The following JAZF1 variants were observed in gnomAD, a reference collection of about 807,000 sequenced individuals.
The protein encoded by JAZF1 is JAZF zinc finger 1.
A neutral mutation model predicts 26.4 loss-of-function variants in JAZF1; 8 were observed. That is an observed-to-expected ratio of 0.30 (90% CI 0.18 to 0.55). The LOEUF is 0.55. JAZF1 is among the 20% of genes least tolerant of loss of function. The pLI is 0.94. For synonymous variants in JAZF1, 126 were observed against 122.3 expected, an observed-to-expected ratio of 1.03 and a Z score of -0.20; for missense variants, 199 against 322.0, an observed-to-expected ratio of 0.62 and a Z score of 2.92.
chr7:28,130,656 C>T (rs967473598), intron 1 of JAZF1, among the ~76,000 whole-genome samples: 14 of 152,186 alleles, frequency 9.2e-5, no homozygotes, highest in African/African-American at 2.9e-4. Flanking sequence ...CTGTGCTAAT[C>T]TACTCAGGGT....
At chr7:28,048,745 A>C (rs1783538457) in intron 1 of JAZF1, among the ~76,000 whole-genome samples, 1 of 152,216 alleles carries the variant, frequency 6.6e-6, no homozygotes, top group African/African-American at 2.4e-5. Context: ...CAAAAGGTAG[A>C]ATCATCCCAA....
At chr7:28,004,829 T>G (rs1442921466) in intron 1 of JAZF1, among the ~76,000 whole-genome samples, 8 of 152,096 alleles carry the variant, frequency 5.3e-5, no homozygotes, top group Non-Finnish European at 1.0e-4. Context: ...ATTTTTGTAT[T>G]TTTAGTAGAG....
chr7:27,905,913 A>G (rs903803235), intron 2 of JAZF1, among the ~76,000 whole-genome samples: 29 of 152,222 alleles, frequency 1.9e-4, no homozygotes, highest in Non-Finnish European at 3.5e-4. Flanking sequence ...AAGCCACAAT[A>G]TAAAATTTCA....
At chr7:28,126,241 G>A (rs549539677) in intron 1 of JAZF1, among the ~76,000 whole-genome samples, 16 of 152,274 alleles carry the variant, frequency 1.1e-4, no homozygotes, top group African/African-American at 3.9e-4. Flanking sequence ...AATATTTATT[G>A]CACAGTTACT....
At chr7:27,961,153 A>G (rs1785179759) in intron 2 of JAZF1, among the ~76,000 whole-genome samples, 1 of 152,256 alleles carries the variant, frequency 6.6e-6, no homozygotes, top group Non-Finnish European at 1.5e-5. Flanking sequence ...CTTATTTAGT[A>G]CTTATAACAG....
chr7:28,165,375 G>C (rs377618619), intron 1 of JAZF1, among the ~76,000 whole-genome samples: 1 of 152,084 alleles, frequency 6.6e-6, no homozygotes, highest in African/African-American at 2.4e-5. Flanking sequence ...GTGCCAGTTA[G>C]GGCTTCTCAG....
At chr7:28,017,959 G>T (rs565028837) in intron 1 of JAZF1, among the ~76,000 whole-genome samples, 99 of 152,278 alleles carry the variant, frequency 6.5e-4, no homozygotes, top group African/African-American at 2.3e-3. Context: ...AATTTTAGTA[G>T]AGACAGGGTT....
chr7:28,140,164 C>T (rs1369541781), intron 1 of JAZF1, among the ~76,000 whole-genome samples: 1 of 151,260 alleles, frequency 6.6e-6, no homozygotes, highest in East Asian at 1.9e-4. Flanking sequence ...ATCACTACAA[C>T]CTTCAGCTCC....
At position 28,076,815 on chromosome 7, in the gene JAZF1, T is replaced by A. The variant is rs191346855; in HGVS notation, c.116-84834A>T. Among the ~76,000 whole-genome samples the A allele has an allele frequency of 6.6e-3, 1,001 of 152,264 alleles. 36 individuals are homozygous for A. Among genetic ancestry groups the A allele is most frequent in the Admixed American group, 0.046 (701 of 15,280 alleles). On this transcript the variant is annotated intron_variant, in intron 1 of 4. Transcript: ENST00000283928. ...GTGCAAATATATATTTAGAATTTTT[T>A]AATAAATGTATAATAGGGAAATTTT...
chr7:27,887,079 G>A (rs1783881122), intron 3 of JAZF1, among the ~76,000 whole-genome samples: 1 of 152,094 alleles, frequency 6.6e-6, no homozygotes, highest in Non-Finnish European at 1.5e-5. Flanking sequence ...GAGAATACAT[G>A]GACACATACG....
chr7:28,133,078 C>T (rs2127942539), intron 1 of JAZF1, among the ~76,000 whole-genome samples: 1 of 152,350 alleles, frequency 6.6e-6, no homozygotes, highest in South Asian at 2.1e-4. Flanking sequence ...GATCACCCTC[C>T]AAACCTCTGA....
intron 1 of JAZF1, among the ~76,000 whole-genome samples, chr7:28,066,650 G>A (rs1562575902): frequency 6.7e-6 from 1 of 150,348 alleles, no homozygotes; most frequent in Non-Finnish European, 1.5e-5. Flanking sequence ...ACAACAAAAG[G>A]TGGGAACCAT....
chr7:27,868,257 A>T (rs1684390288), intron 3 of JAZF1, among the ~76,000 whole-genome samples: 1 of 152,220 alleles, frequency 6.6e-6, no homozygotes, highest in Non-Finnish European at 1.5e-5. Context: ...GCCTAGGATC[A>T]GTGACAGAAC....
intron 1 of JAZF1, among the ~76,000 whole-genome samples, chr7:28,059,861 T>C (rs1189347219): frequency 2.0e-5 from 3 of 152,206 alleles, no homozygotes; most frequent in Non-Finnish European, 2.9e-5. Flanking sequence ...CTTTTCTCTG[T>C]GACTGCTTAA....
intron 2 of JAZF1, among the ~76,000 whole-genome samples, chr7:27,953,471 T>G (rs1390966636): frequency 6.6e-6 from 1 of 152,238 alleles, no homozygotes; most frequent in Non-Finnish European, 1.5e-5. Context: ...GACTTCACAC[T>G]TAGCTGAAGT....
intron 1 of JAZF1, among the ~76,000 whole-genome samples, chr7:28,109,917 A>T (rs1014668638): frequency 1.3e-5 from 2 of 152,260 alleles, no homozygotes; most frequent in South Asian, 2.1e-4. Context: ...AAGTGAATTT[A>T]AAAAAGTAGT....
At chr7:27,888,696 G>C (rs1039733961) in intron 3 of JAZF1, among the ~76,000 whole-genome samples, 2 of 152,004 alleles carry the variant, frequency 1.3e-5, no homozygotes, top group Non-Finnish European at 2.9e-5. Flanking sequence ...TTCTTAAAAG[G>C]CCATACCAAG....
At chr7:28,150,077 T>C (rs1583586659) in intron 1 of JAZF1, among the ~76,000 whole-genome samples, 1 of 152,184 alleles carries the variant, frequency 6.6e-6, no homozygotes, top group African/African-American at 2.4e-5. Context: ...TCAGGAACTT[T>C]CTAGGGGAGG....
intron 1 of JAZF1, among the ~76,000 whole-genome samples, chr7:28,095,452 A>G (rs900673541): frequency 6.6e-6 from 1 of 152,092 alleles, no homozygotes; most frequent in Non-Finnish European, 1.5e-5. Context: ...AAGCCATCAG[A>G]TCTTGTGAGA....
Sources: allele counts gnomAD v4.1 joint callset (sites outside exome capture counted in the v4.1 genomes callset), GRCh38; gene constraint gnomAD v4.1.1; transcripts MANE v1.5; gene names NCBI Gene and HGNC (gene_info 2026-07-23, HGNC 2026-07-21).